EIPR1: variants seen among roughly 807,000 people sequenced by gnomAD.
EIPR1 encodes the protein EARP complex and GARP complex interacting protein 1.
EIPR1 carries 25 observed loss-of-function variants against 48.1 expected under a neutral mutation model. The observed-to-expected ratio is 0.52, with a 90% CI of 0.38 to 0.73. EIPR1 has a LOEUF of 0.73. Among genes scored for constraint, EIPR1 ranks in the 30% least tolerant of loss-of-function variants. EIPR1 has a pLI of 0.00. For synonymous variants in EIPR1, 204 were observed against 201.9 expected, an observed-to-expected ratio of 1.01 and a Z score of -0.09; for missense variants, 415 against 506.2, an observed-to-expected ratio of 0.82 and a Z score of 1.73.
At chr2:3,287,732 G>A (rs754327944) in intron 3 of EIPR1, among the ~76,000 whole-genome samples, 7 of 151,890 alleles carry the variant, frequency 4.6e-5, no homozygotes, top group Non-Finnish European at 8.8e-5. Flanking sequence ...CGTTCACCAC[G>A]CTCTAGAAAG....
chr2:3,329,268 C>G (rs1226622538), intron 3 of EIPR1, among the ~76,000 whole-genome samples: 749 of 68,568 alleles, frequency 0.011, 21 homozygotes, highest in East Asian at 0.019. Context: ...CTGGATCAGA[C>G]TCTACCCACC....
At chr2:3,224,925 G>A (rs1666011443) in intron 4 of EIPR1, among the ~76,000 whole-genome samples, 1 of 152,226 alleles carries the variant, frequency 6.6e-6, no homozygotes, top group African/African-American at 2.4e-5. Context: ...GGGGGCTGCA[G>A]CCTGTGACCG....
intron 4 of EIPR1, among the ~76,000 whole-genome samples, chr2:3,242,111 C>T (rs1453242459): frequency 6.6e-6 from 1 of 152,208 alleles, no homozygotes; most frequent in East Asian, 1.9e-4. Flanking sequence ...GACTCGACAC[C>T]ACGGACCAGG....
At chr2:3,322,073 G>C (rs1458216203) in intron 3 of EIPR1, among the ~76,000 whole-genome samples, 1 of 152,200 alleles carries the variant, frequency 6.6e-6, no homozygotes, top group African/African-American at 2.4e-5. Context: ...TGGGCCCAGG[G>C]CATATTCCAC....
At chr2:3,329,460 T>C (rs917798818) in intron 3 of EIPR1, among the ~76,000 whole-genome samples, 1 of 148,424 alleles carries the variant, frequency 6.7e-6, no homozygotes, top group Non-Finnish European at 1.5e-5. Context: ...CATGCTCTAA[T>C]GATCTCGAGG....
At chr2:3,358,773 C>T (rs1572483580) in intron 1 of EIPR1, among the ~76,000 whole-genome samples, 1 of 152,208 alleles carries the variant, frequency 6.6e-6, no homozygotes, top group East Asian at 1.9e-4. Context: ...CCTGACTACT[C>T]CAAGGCTGAG....
At chr2:3,193,245 G>A (rs1449624833) in intron 7 of EIPR1, among the ~76,000 whole-genome samples, 1 of 152,234 alleles carries the variant, frequency 6.6e-6, no homozygotes, top group African/African-American at 2.4e-5. Flanking sequence ...TATCAGAAGT[G>A]TGCACTACCA....
chr2:3,316,773 C>T (rs921222896), intron 3 of EIPR1, among the ~76,000 whole-genome samples: 1 of 152,222 alleles, frequency 6.6e-6, no homozygotes, highest in African/African-American at 2.4e-5. Context: ...GCCAGGCCAC[C>T]AGGCTCCTTG....
intron 3 of EIPR1, among the ~76,000 whole-genome samples, chr2:3,277,333 A>G (rs1372819451): frequency 1.3e-5 from 2 of 152,150 alleles, no homozygotes; most frequent in Non-Finnish European, 2.9e-5. Flanking sequence ...ACGCATTGAA[A>G]CTACAACTGG....
rs1011808434 is a variant in EIPR1, at chr2:3,338,052, G to C, written c.224C>G (p.Ala75Gly). 4 of 1,611,318 alleles carry C rather than the reference G, an allele frequency of 2.5e-6. No homozygotes were observed. The African/African-American group carries it at 5.4e-5, about 22-fold the overall frequency. The change falls in exon 3 of 9, where the codon GCA becomes GGA. Residue 75 changes from alanine to glycine, a missense_variant. Physicochemically the swap from Ala to Gly is moderately conservative, Grantham distance 60 (BLOSUM62 0). Transcript: ENST00000382125. The part of the protein sequence containing the change: ...GEIWHISASP[A>G]DRGVLTTCYN... ...GCAGGTCGTCAGCACACCTCTGTCT[G>C]CAGGGCTAGCGCTAATATGCCAGAT...
chr2:3,351,122 T>G (rs1421612752), intron 2 of EIPR1, among the ~76,000 whole-genome samples: 1 of 151,990 alleles, frequency 6.6e-6, no homozygotes, highest in Admixed American at 6.6e-5. Context: ...TGCCTCAGCC[T>G]TCCAAGTAGC....
Position 3,362,054 on chromosome 2 carries a change from G to T in EIPR1, c.43-7421C>A, listed in dbSNP as rs149398262. On this transcript the variant is annotated intron_variant, in intron 1 of 8. Coordinates refer to ENST00000382125, the MANE Select transcript of EIPR1 (RefSeq NM_003310.5). The stretch of plus-strand genomic sequence containing the variant: ...TTCCAAATGCGAATCTGGTGCCCAG[G>T]CACATCCTAAACTGCCCGAGCCAGA... Among the ~76,000 whole-genome samples the T allele has an allele frequency of 8.5e-5, 13 of 152,304 alleles. No homozygotes were observed. The East Asian group carries it at 2.5e-3, about 29-fold the overall frequency.
chr2:3,211,841 G>A (rs1368150439), intron 5 of EIPR1, among the ~76,000 whole-genome samples: 1 of 152,246 alleles, frequency 6.6e-6, no homozygotes, highest in Admixed American at 6.5e-5. Flanking sequence ...TGAAAGCTGG[G>A]AAAGGCGAAG....
chr2:3,213,591 C>A (rs550810186), intron 5 of EIPR1, among the ~76,000 whole-genome samples: 1 of 152,140 alleles, frequency 6.6e-6, no homozygotes, highest in African/African-American at 2.4e-5. Context: ...ACGCTTGAAA[C>A]GGTAGAAAAT....
rs1469078488 is a variant in EIPR1, at chr2:3,312,660, C to T, written c.259+25357G>A. Among the ~76,000 whole-genome samples, 6 of 152,176 alleles carry T rather than the reference C, an allele frequency of 3.9e-5. No homozygotes were observed. The highest frequency in any genetic ancestry group is 7.2e-5 in the African/African-American group (3 of 41,434). Reference sequence around the variant, plus strand: ...GACCCACGATGCCACTGCCTCTGTGCTCAGGGGATAACGGCGGGGTGGGGA... The same window carrying T: ...GACCCACGATGCCACTGCCTCTGTGTTCAGGGGATAACGGCGGGGTGGGGA... On this transcript the variant is annotated intron_variant, in intron 3 of 8. Transcript: ENST00000382125. The surrounding 1 kb of genome is among the most constrained non-coding windows in gnomAD (Gnocchi z 5.5).
intron 4 of EIPR1, among the ~76,000 whole-genome samples, chr2:3,231,308 G>A (rs1666236545): frequency 6.6e-6 from 1 of 152,042 alleles, no homozygotes; most frequent in Non-Finnish European, 1.5e-5. Context: ...TTTCCTTTCT[G>A]ATCTGGATGC....
chr2:3,282,045 T>C (rs1009604827), intron 3 of EIPR1, among the ~76,000 whole-genome samples: 5 of 152,214 alleles, frequency 3.3e-5, no homozygotes, highest in Non-Finnish European at 7.3e-5. Flanking sequence ...TTATATTCAA[T>C]GCCACAAAAA....
At chr2:3,241,195 C>T (rs551712048) in intron 4 of EIPR1, among the ~76,000 whole-genome samples, 3 of 152,212 alleles carry the variant, frequency 2.0e-5, no homozygotes, top group Non-Finnish European at 4.4e-5. Flanking sequence ...CCTCCTAAAG[C>T]AAAGCCAGCT....
intron 1 of EIPR1, among the ~76,000 whole-genome samples, chr2:3,359,764 C>A (rs982694771): frequency 1.1e-4 from 16 of 152,134 alleles, no homozygotes; most frequent in African/African-American, 3.9e-4. Context: ...GTTCCAATGA[C>A]CTTATTACAA....
Sources: allele counts gnomAD v4.1 joint callset (sites outside exome capture counted in the v4.1 genomes callset), GRCh38; gene constraint gnomAD v4.1.1; non-coding constraint Gnocchi (gnomAD v3.1); transcripts MANE v1.5; gene names NCBI Gene and HGNC (gene_info 2026-07-23, HGNC 2026-07-21).